The following GRIN3A variants were observed in gnomAD, a reference collection of about 807,000 sequenced individuals.
GRIN3A encodes the protein glutamate receptor ionotropic, NMDA 3A.
GRIN3A carries 47 observed loss-of-function variants against 92.4 expected under a neutral mutation model. The ratio of observed to expected loss-of-function variants is 0.51; its 90% CI spans 0.40 to 0.65. The LOEUF is 0.65. GRIN3A is among the 30% of genes least tolerant of loss of function. The pLI is 0.00. For missense variants in GRIN3A, 1,324 were observed against 1,393.1 expected (o/e 0.95, Z 0.79); for synonymous variants, 527 against 540.6 (o/e 0.97, Z 0.35).
At chr9:101,588,079 T>C (rs1324162675) in intron 6 of GRIN3A, among the ~76,000 whole-genome samples, 2 of 152,186 alleles carry the variant, frequency 1.3e-5, no homozygotes, top group Non-Finnish European at 2.9e-5. Flanking sequence ...GGGCTCCAGA[T>C]GTACCAAAGA....
chr9:101,603,040 GGAAA>G (rs1288407436), intron 6 of GRIN3A: 1 of 110,870 alleles, frequency 9.0e-6, no homozygotes, highest in Non-Finnish European at 2.3e-5. Context: ...CTGAGCTAGA[GGAAA>G]GAAAGAACAC....
In GRIN3A at chr9:101,738,036, C is replaced by A; in HGVS notation, c.-57G>T. 2.8e-6 allele frequency: 4 copies of A among 1,424,850 alleles called. No individual in the cohort carries two copies. The highest frequency in any genetic ancestry group is 3.8e-6 in the Non-Finnish European group (4 of 1,047,578). 88.3% of individuals were successfully genotyped at this position (1,424,850 alleles called of 1,614,324 possible). A position where few individuals can be genotyped will look rare whatever the true frequency, so the allele number is the denominator to read the frequency against. ...CTCCTGCGCCCGGCTCGCCCCTCTGCAGCCGCTGCCTGAGGTCTCCGCCTC... is the reference window on the plus strand; with the variant it reads ...CTCCTGCGCCCGGCTCGCCCCTCTGAAGCCGCTGCCTGAGGTCTCCGCCTC... On this transcript the variant is annotated 5_prime_UTR_variant, in exon 1 of 9. Transcript: ENST00000361820.
At position 101,686,891 on chromosome 9, in the gene GRIN3A, G is replaced by T; in HGVS notation, c.1009C>A (p.Arg337=). 1 of 1,614,180 alleles carries T rather than the reference G, an allele frequency of 6.2e-7. No individual in the cohort carries two copies. Among genetic ancestry groups the T allele is most frequent in the Non-Finnish European group, 8.5e-7 (1 of 1,180,038 alleles). Reference sequence around the variant, plus strand: ...AACTGGGTTGTAATTTCGAAAATCCGCCGGATACTTTCCATGTCGCAGCCA... The same window carrying T: ...AACTGGGTTGTAATTTCGAAAATCCTCCGGATACTTTCCATGTCGCAGCCA... ...MFGCDMESIR[R]IFEITTQFGV... is the part of the protein sequence containing the mutation. Residue 337 remains arginine (R), a synonymous_variant, in exon 2 of 9, where the codon CGG becomes AGG. Transcript: ENST00000361820.
chr9:101,643,984 A>G (rs947209585), intron 3 of GRIN3A, among the ~76,000 whole-genome samples: 1 of 151,762 alleles, frequency 6.6e-6, no homozygotes, highest in East Asian at 1.9e-4. Flanking sequence ...TAATAATAGT[A>G]TATGGTATAT....
At chr9:101,630,674 C>T (rs1017256436) in intron 3 of GRIN3A, among the ~76,000 whole-genome samples, 1 of 152,128 alleles carries the variant, frequency 6.6e-6, no homozygotes, top group Non-Finnish European at 1.5e-5. Flanking sequence ...AGACGGTAAG[C>T]TAAGGGCTTT....
intron 1 of GRIN3A, among the ~76,000 whole-genome samples, chr9:101,696,157 C>A (rs1286199797): frequency 1.3e-5 from 2 of 152,150 alleles, no homozygotes; most frequent in Non-Finnish European, 1.5e-5. Context: ...TTGTCAGGAA[C>A]TTGGACTTGC....
At chr9:101,638,241 T>C (rs571020247) in intron 3 of GRIN3A, among the ~76,000 whole-genome samples, 34 of 152,356 alleles carry the variant, frequency 2.2e-4, no homozygotes, top group Admixed American at 1.4e-3. Context: ...TACTTTTAGA[T>C]ACTATGGAGA....
At chr9:101,607,157 GA>G (rs11297988) in intron 6 of GRIN3A, among the ~76,000 whole-genome samples, 42,581 of 144,606 alleles carry the variant, frequency 0.29, 6,699 homozygotes, top group African/African-American at 0.42. Context: ...TGGAATTCAG[GA>G]AAAAAAAAAA....
chr9:101,657,675 A>G (rs1829107553), intron 3 of GRIN3A, among the ~76,000 whole-genome samples: 1 of 151,926 alleles, frequency 6.6e-6, no homozygotes, highest in Non-Finnish European at 1.5e-5. Context: ...GCCATTTCAC[A>G]GGGGGTGGTG....
chr9:101,601,103 A>G (rs1487908744), intron 6 of GRIN3A: 1 of 152,230 alleles, frequency 6.6e-6, no homozygotes, highest in Non-Finnish European at 1.5e-5. Context: ...TCTTTCTTCA[A>G]GAAGTATTTG....
intron 6 of GRIN3A, chr9:101,594,181 C>T: frequency 2.1e-6 from 1 of 474,144 alleles, no homozygotes; most frequent in Non-Finnish European, 3.6e-6. Context: ...TTTTCTTTCC[C>T]CACTATGCTC....
At position 101,728,319 on chromosome 9, in the gene GRIN3A, C is replaced by T. The variant is rs576216224; in HGVS notation, c.699+8962G>A. On this transcript the variant is annotated intron_variant, in intron 1 of 8. Transcript: ENST00000361820. Reference sequence around the variant, plus strand: ...GCCATCAAAGTGCTTGCTACTGCCCCAAATGTTCAGTAAGTTCAGCTAATG... The same window carrying T: ...GCCATCAAAGTGCTTGCTACTGCCCTAAATGTTCAGTAAGTTCAGCTAATG... Among the ~76,000 whole-genome samples the T allele has an allele frequency of 1.2e-4, 18 of 152,232 alleles. No homozygotes were observed. In the South Asian group the frequency reaches 3.7e-3, roughly 32 times the overall value.
At chr9:101,711,677 T>G (rs1367160103) in intron 1 of GRIN3A, among the ~76,000 whole-genome samples, 3 of 152,154 alleles carry the variant, frequency 2.0e-5, no homozygotes, top group African/African-American at 7.2e-5. Context: ...CTTCTTCAAC[T>G]TGTTAGTGGT....
chr9:101,728,261 A>C (rs1301123134), intron 1 of GRIN3A, among the ~76,000 whole-genome samples: 1 of 152,160 alleles, frequency 6.6e-6, no homozygotes, highest in African/African-American at 2.4e-5. Flanking sequence ...CCTTCTGTCC[A>C]AAAACACCCA....
intron 8 of GRIN3A, 114 bp downstream of exon 8, chr9:101,577,654 A>G (rs984378105): frequency 1.2e-6 from 1 of 827,580 alleles, no homozygotes; most frequent in South Asian, 1.4e-5. Context: ...ATTTCCCTCT[A>G]TTTATACTGA....
intron 6 of GRIN3A, among the ~76,000 whole-genome samples, chr9:101,585,734 T>TC (rs1827943081): frequency 1.3e-5 from 2 of 152,124 alleles, no homozygotes; most frequent in Admixed American, 1.3e-4. Flanking sequence ...CACCATCCCC[T>TC]CTCACCTCAC....
intron 5 of GRIN3A, among the ~76,000 whole-genome samples, chr9:101,614,415 A>G (rs1828410831): frequency 1.3e-5 from 2 of 152,146 alleles, no homozygotes; most frequent in South Asian, 4.1e-4. Context: ...CACAGATGGA[A>G]TATTACATAA....
chr9:101,685,746 T>TTA (rs147946087), intron 2 of GRIN3A, among the ~76,000 whole-genome samples: 7,529 of 150,720 alleles, frequency 0.05, 618 homozygotes, highest in African/African-American at 0.17. Context: ...AAATAATATT[T>TTA]TATATATATA....
intron 6 of GRIN3A, chr9:101,594,580 C>T (rs1828085847): frequency 6.2e-7 from 1 of 1,614,212 alleles, no homozygotes; most frequent in African/African-American, 1.3e-5. Flanking sequence ...TCTTCAGCAC[C>T]TGGAAGAGCT....
Sources: allele counts gnomAD v4.1 joint callset (sites outside exome capture counted in the v4.1 genomes callset), GRCh38; gene constraint gnomAD v4.1.1; transcripts MANE v1.5; gene names NCBI Gene and HGNC (gene_info 2026-07-23, HGNC 2026-07-21).